GRM8: variants seen among roughly 807,000 people sequenced by gnomAD.
GRM8 encodes the protein metabotropic glutamate receptor 8.
GRM8 carries 47 observed loss-of-function variants against 87.2 expected under a neutral mutation model. The observed-to-expected ratio is 0.54, with a 90% CI of 0.43 to 0.69. The LOEUF is 0.69. Ranked by LOEUF, GRM8 falls within the 30% of genes least tolerant of loss-of-function variation. The probability of loss-of-function intolerance (pLI) is 0.00; values close to 1 mark genes in which losing one functional copy is unlikely to be tolerated. For missense variants in GRM8, 1,019 were observed against 1,139.2 expected (o/e 0.89, Z 1.52); for synonymous variants, 396 against 404.5 (o/e 0.98, Z 0.25).
intron 2 of GRM8, among the ~76,000 whole-genome samples, chr7:127,181,281 C>G (rs566989149): frequency 3.3e-5 from 5 of 152,032 alleles, no homozygotes; most frequent in African/African-American, 9.6e-5. Context: ...TAGGAATACA[C>G]CTAACCAAGG....
intron 2 of GRM8, among the ~76,000 whole-genome samples, chr7:127,119,596 T>C (rs886554116): frequency 1.3e-5 from 2 of 151,754 alleles, no homozygotes; most frequent in Non-Finnish European, 2.9e-5. Flanking sequence ...GTTCCAGGCA[T>C]AGGGGACAGC....
At chr7:126,458,158 A>G (rs955348018) in intron 9 of GRM8, among the ~76,000 whole-genome samples, 1 of 151,234 alleles carries the variant, frequency 6.6e-6, no homozygotes, top group Non-Finnish European at 1.5e-5. Context: ...TTCAGAGAAG[A>G]CAAAAAAAGA....
chr7:127,224,879 T>G (rs1006633588), intron 2 of GRM8, among the ~76,000 whole-genome samples: 4 of 152,164 alleles, frequency 2.6e-5, no homozygotes, highest in African/African-American at 9.7e-5. Context: ...CCTCCTAAAG[T>G]GCTGGGATTG....
chr7:126,476,740 A>T (rs1420301757), intron 9 of GRM8, among the ~76,000 whole-genome samples: 2 of 152,184 alleles, frequency 1.3e-5, no homozygotes, highest in Admixed American at 1.3e-4. Context: ...AAAGAAAAAA[A>T]TAACAAATGT....
At chr7:126,668,084 C>T (rs1181597531) in intron 7 of GRM8, among the ~76,000 whole-genome samples, 2 of 152,136 alleles carry the variant, frequency 1.3e-5, no homozygotes, top group South Asian at 2.1e-4. Flanking sequence ...CCCTTTGCAG[C>T]GGTGAGGAGC....
intron 8 of GRM8, among the ~76,000 whole-genome samples, chr7:126,569,978 C>T (rs1794561636): frequency 6.6e-6 from 1 of 152,154 alleles, no homozygotes; most frequent in South Asian, 2.1e-4. Context: ...AATTTTCTTT[C>T]TCCATAGTCA....
At chr7:126,583,852 C>T (rs1220373009) in intron 8 of GRM8, among the ~76,000 whole-genome samples, 3 of 152,188 alleles carry the variant, frequency 2.0e-5, no homozygotes, top group African/African-American at 7.2e-5. Flanking sequence ...TACATAAACA[C>T]AGTTGATAAA....
chr7:126,570,104 T>C lies in GRM8; in HGVS notation c.1495-36217A>G, dbSNP rs1794573350. Among the ~76,000 whole-genome samples the C allele has an allele frequency of 3.3e-5, 5 of 152,246 alleles. No homozygotes were observed. In the South Asian group the frequency reaches 1.0e-3, roughly 31 times the overall value. On this transcript the variant is annotated intron_variant, in intron 8 of 10. Transcript: ENST00000339582. Reference sequence around the variant, plus strand: ...CAAGTTTTCTAATTTCCTTGATTCTTAAACTAACTTGATATTTTCTTTTGT... The same window carrying C: ...CAAGTTTTCTAATTTCCTTGATTCTCAAACTAACTTGATATTTTCTTTTGT...
chr7:126,993,990 G>T (rs571933070), intron 3 of GRM8, among the ~76,000 whole-genome samples: 1 of 152,296 alleles, frequency 6.6e-6, no homozygotes, highest in East Asian at 1.9e-4. Context: ...ACATGGCCTA[G>T]AAAGACACCA....
chr7:126,571,663 C>T (rs1360199223), intron 8 of GRM8, among the ~76,000 whole-genome samples: 3 of 152,116 alleles, frequency 2.0e-5, no homozygotes, highest in Non-Finnish European at 4.4e-5. Context: ...CTGCCTTCCC[C>T]TTCAGATCAG....
intron 2 of GRM8, among the ~76,000 whole-genome samples, chr7:127,155,149 C>T (rs1792642266): frequency 6.6e-6 from 1 of 152,076 alleles, no homozygotes; most frequent in African/African-American, 2.4e-5. Flanking sequence ...ATGGTTCCAG[C>T]ATGTCACTGG....
At position 126,478,893 on chromosome 7, in the gene GRM8, C is replaced by T. The variant is rs540846589; in HGVS notation, c.2431-32521G>A. On this transcript the variant is annotated intron_variant, in intron 9 of 10. Transcript: ENST00000339582. ...TAAAGAATATGAAGAATCAATACTGCCCTAGATCAAAGCAGAAATGTATGA... is the reference window on the plus strand; with the variant it reads ...TAAAGAATATGAAGAATCAATACTGTCCTAGATCAAAGCAGAAATGTATGA... Among the ~76,000 whole-genome samples the T allele has an allele frequency of 1.4e-4, 22 of 152,048 alleles. No homozygotes were observed. The South Asian group carries it at 1.9e-3, about 13-fold the overall frequency.
intron 7 of GRM8, among the ~76,000 whole-genome samples, chr7:126,743,184 A>G (rs1189061766): frequency 6.6e-6 from 1 of 152,158 alleles, no homozygotes; most frequent in Non-Finnish European, 1.5e-5. Flanking sequence ...AGACTAGTGC[A>G]TAACTGAGCC....
intron 3 of GRM8, among the ~76,000 whole-genome samples, chr7:127,033,520 C>T (rs1164349448): frequency 6.6e-6 from 1 of 152,052 alleles, no homozygotes; most frequent in Non-Finnish European, 1.5e-5. Context: ...TTAAACCTTA[C>T]AAAAATTTTA....
At chr7:127,066,749 C>T (rs1018678850) in intron 3 of GRM8, among the ~76,000 whole-genome samples, 2 of 152,126 alleles carry the variant, frequency 1.3e-5, no homozygotes, top group Non-Finnish European at 2.9e-5. Context: ...TCCTAGCTAG[C>T]TGTAATTTTG....
intron 6 of GRM8, among the ~76,000 whole-genome samples, chr7:126,891,060 A>G (rs953947469): frequency 6.6e-5 from 10 of 151,932 alleles, no homozygotes; most frequent in Middle Eastern, 3.2e-3. Context: ...ATCTCCCACA[A>G]AATTCATCAT....
intron 6 of GRM8, among the ~76,000 whole-genome samples, chr7:126,774,418 G>T (rs555353378): frequency 6.6e-6 from 1 of 152,100 alleles, no homozygotes; most frequent in Non-Finnish European, 1.5e-5. Flanking sequence ...GCTAAATATC[G>T]TCAAAGGCTT....
At chr7:126,447,625 C>T (rs1563016144) in intron 9 of GRM8, among the ~76,000 whole-genome samples, 2 of 151,556 alleles carry the variant, frequency 1.3e-5, no homozygotes, top group African/African-American at 4.8e-5. Flanking sequence ...CAAAACAAAA[C>T]AAAAAAAACC....
At chr7:126,793,220 C>T (rs570722592) in intron 6 of GRM8, among the ~76,000 whole-genome samples, 2 of 152,114 alleles carry the variant, frequency 1.3e-5, no homozygotes, top group Non-Finnish European at 2.9e-5. Context: ...CTGATCAATA[C>T]TTTAAAAAAA....
Sources: gnomAD v4.1 joint callset for allele counts (sites outside exome capture counted in the v4.1 genomes callset) on GRCh38, gnomAD v4.1.1 for gene constraint, MANE v1.5 for transcripts, NCBI Gene and HGNC (gene_info 2026-07-23, HGNC 2026-07-21) for gene names.